The following SCARB2 variants were observed in gnomAD, a reference collection of about 807,000 sequenced individuals.
The protein encoded by SCARB2 is lysosome membrane protein 2.
In SCARB2, 29 loss-of-function variants were observed where a neutral mutation model predicts 58.6. That is an observed-to-expected ratio of 0.49 (90% confidence interval 0.37 to 0.67). SCARB2 has a LOEUF of 0.67. Ranked by LOEUF, SCARB2 falls within the 30% of genes least tolerant of loss-of-function variation. The pLI is 0.00. For synonymous variants in SCARB2, 195 were observed against 210.1 expected (o/e 0.93, Z 0.62); for missense variants, 488 against 578.5 (o/e 0.84, Z 1.60).
intron 2 of SCARB2, among the ~76,000 whole-genome samples, chr4:76,189,146 ACAGT>A (rs1283278264): frequency 1.2e-4 from 19 of 152,248 alleles, no homozygotes; most frequent in African/African-American, 2.7e-4. Context: ...TAAATAGTAG[ACAGT>A]CAGAGACCAA....
In SCARB2 at chr4:76,160,112, G is replaced by A. The variant is rs983650116; in HGVS notation, c.*1601C>T. On this transcript the variant is annotated 3_prime_UTR_variant, in exon 12 of 12. Transcript: ENST00000264896. Reference sequence around the variant, plus strand: ...AGTTTAATGAATTGCCTCTTCAAGAGGGGAAATATATCACATATTGTTTTA... The same window carrying A: ...AGTTTAATGAATTGCCTCTTCAAGAAGGGAAATATATCACATATTGTTTTA... 6.6e-6 allele frequency: 1 copy of A among 151,998 alleles called. No individual in the cohort carries two copies. Among genetic ancestry groups the A allele is most frequent in the African/African-American group, 2.4e-5 (1 of 41,366 alleles). The allele number at this position is 151,998 out of a possible 1,614,324, so 9.4% of individuals were successfully genotyped here.
At chr4:76,212,414 A>AAG (rs1486861753) in intron 1 of SCARB2, among the ~76,000 whole-genome samples, 1 of 152,222 alleles carries the variant, frequency 6.6e-6, no homozygotes, top group Non-Finnish European at 1.5e-5. Context: ...CAGTTAAAGG[A>AAG]AGATATCCAT....
intron 2 of SCARB2, chr4:76,195,366 T>TA (rs1732690493): frequency 1.5e-5 from 3 of 203,366 alleles, no homozygotes; most frequent in African/African-American, 4.7e-5. Context: ...CCTTGTCTCT[T>TA]AAAAAAATAA....
chr4:76,224,128 A>G (rs531990614), intron 1 of SCARB2, among the ~76,000 whole-genome samples: 1 of 152,358 alleles, frequency 6.6e-6, no homozygotes, highest in East Asian at 1.9e-4. Flanking sequence ...TGCAGATTGC[A>G]AAGTCAGAAA....
intron 1 of SCARB2, chr4:76,212,979 T>C (rs954258416): frequency 4.6e-5 from 12 of 262,740 alleles, no homozygotes; most frequent in Non-Finnish European, 6.1e-5. Context: ...AAGAACACAA[T>C]AGACCGCACA....
chr4:76,191,175 CCAGTACA>C (rs1462976187), intron 2 of SCARB2, among the ~76,000 whole-genome samples: 2 of 152,074 alleles, frequency 1.3e-5, no homozygotes, highest in Non-Finnish European at 2.9e-5. Flanking sequence ...CTTTCTCTAC[CCAGTACA>C]CAGTGTTTCA....
chr4:76,207,589 T>C (rs1232595854), intron 1 of SCARB2, among the ~76,000 whole-genome samples: 1 of 152,254 alleles, frequency 6.6e-6, no homozygotes, highest in Non-Finnish European at 1.5e-5. Context: ...TTTTCCTTGG[T>C]TGTTTTTTCC....
chr4:76,161,740 A>G lies in SCARB2; in HGVS notation c.1410T>C (p.Asp470=). ...GQGSMDEGTA[D]ERAPLIRT ...AGGTTCGAATGAGGGGTGCTCTTTC[A>G]TCCGCTGTTCCCTGAAACACAGAAG... The change falls in exon 12 of 12, where the codon GAT becomes GAC. Residue 470 remains aspartate, a synonymous_variant. Transcript: ENST00000264896. The G allele has an allele frequency of 1.2e-6, 2 of 1,614,178 alleles. No homozygotes were observed. Among genetic ancestry groups the G allele is most frequent in the Non-Finnish European group, 8.5e-7 (1 of 1,180,034 alleles).
Position 76,168,474 on chromosome 4 carries a change from C to A in SCARB2, c.1116G>T (p.Leu372Phe). Residue 372 changes from leucine (L) to phenylalanine (F), a missense_variant and splice_region_variant, in exon 9 of 12, where the codon TTG (leucine) becomes TTT (phenylalanine). By Grantham distance (22) the Leu-to-Phe change is conservative. Transcript: ENST00000264896. ...TGGCTGCTTTTAGGATTATTCCAGT[C>A]AACTGCAAATCAGAGAAGTGAAAAG... Reference protein sequence around the residue: ...DHETFVDINPLTGIILKAAKR... With the variant: ...DHETFVDINPFTGIILKAAKR... 1 of 1,613,512 alleles carries A rather than the reference C, an allele frequency of 6.2e-7. No individual in the cohort carries two copies. Among genetic ancestry groups the A allele is most frequent in the South Asian group, 1.1e-5 (1 of 91,048 alleles).
intron 1 of SCARB2, among the ~76,000 whole-genome samples, chr4:76,231,222 C>T (rs1009561902): frequency 3.0e-4 from 46 of 152,160 alleles, no homozygotes; most frequent in African/African-American, 1.1e-3. Context: ...TTGTTAGCTC[C>T]CTTGGTCTTA....
At chr4:76,179,974 G>GA in intron 3 of SCARB2, 1 of 488,124 alleles carries the variant, frequency 2.0e-6, no homozygotes, top group South Asian at 2.1e-5. Context: ...CACAAAAGGG[G>GA]AAAAGCTCTT....
intron 1 of SCARB2, among the ~76,000 whole-genome samples, chr4:76,196,654 C>T (rs953530044): frequency 1.3e-5 from 2 of 152,208 alleles, no homozygotes; most frequent in Non-Finnish European, 2.9e-5. Flanking sequence ...TCCCTACCGC[C>T]TCCACCACCA....
intron 1 of SCARB2, among the ~76,000 whole-genome samples, chr4:76,196,340 A>AAG (rs1732712303): frequency 1.3e-5 from 2 of 152,200 alleles, no homozygotes; most frequent in Non-Finnish European, 2.9e-5. Context: ...GTTACAGAGC[A>AAG]AGACTCTGTC....
At position 76,158,978 on chromosome 4, in the gene SCARB2, T is replaced by C. The variant is rs917256859; in HGVS notation, c.*2735A>G. 3 of 152,194 alleles carry C rather than the reference T, an allele frequency of 2.0e-5. No individual in the cohort carries two copies. The highest frequency in any genetic ancestry group is 7.2e-5 in the African/African-American group (3 of 41,452). The allele number at this position is 152,194 out of a possible 1,614,324, so 9.4% of individuals were successfully genotyped here. ...AAATTAAAAATTAGCCTCCCTTAAG[T>C]TAAAAACCCCAATAGGGGTTAGTCG... is the stretch of plus-strand genomic sequence containing the variant. On this transcript the variant is annotated 3_prime_UTR_variant, in exon 12 of 12. Coordinates refer to ENST00000264896, the MANE Select transcript of SCARB2 (RefSeq NM_005506.4).
chr4:76,216,533 C>A (rs1198350910), upstream of SCARB2, among the ~76,000 whole-genome samples: 3 of 152,194 alleles, frequency 2.0e-5, no homozygotes, highest in Non-Finnish European at 4.4e-5. Context: ...GAGGTCCCTT[C>A]TTCTCTCTTG....
At chr4:76,217,615 T>A (rs1733231974), upstream of SCARB2, 1 of 622,686 alleles carries the variant, frequency 1.6e-6, no homozygotes, top group Admixed American at 2.3e-5. Context: ...CCAATGCAGA[T>A]GTCTGTGCCG....
chr4:76,217,192 T>C (rs1467721028), upstream of SCARB2, among the ~76,000 whole-genome samples: 1 of 152,214 alleles, frequency 6.6e-6, no homozygotes, highest in Non-Finnish European at 1.5e-5. Flanking sequence ...AGCCCCTGCT[T>C]GCCAGCCACT....
chr4:76,228,493 AAAG>A, intron 1 of SCARB2, among the ~76,000 whole-genome samples: 1 of 132,884 alleles, frequency 7.5e-6, no homozygotes, highest in African/African-American at 2.7e-5. Context: ...AAAAAAAAAG[AAAG>A]AAAGAAAAAA....
At position 76,200,767 on chromosome 4, in the gene SCARB2, A is replaced by T. The variant is rs548817824; in HGVS notation, c.118-4903T>A. Among the ~76,000 whole-genome samples the T allele has an allele frequency of 3.3e-5, 5 of 152,292 alleles. No individual in the cohort carries two copies. In the South Asian group the frequency reaches 1.0e-3, roughly 32 times the overall value. On this transcript the variant is annotated intron_variant, in intron 1 of 11. Coordinates refer to ENST00000264896, the MANE Select transcript of SCARB2 (RefSeq NM_005506.4). ...AGGCTGCTCCAAGACAACATGACCA[A>T]AATGGACTCATGATTTTCTCCCCTA...
Sources: allele counts gnomAD v4.1 joint callset (sites outside exome capture counted in the v4.1 genomes callset), GRCh38; gene constraint gnomAD v4.1.1; transcripts MANE v1.5; gene names NCBI Gene and HGNC (gene_info 2026-07-23, HGNC 2026-07-21).